ST7: variants seen among roughly 807,000 people sequenced by gnomAD.
ST7 encodes the protein suppression of tumorigenicity 7.
A neutral mutation model predicts 78.7 loss-of-function variants in ST7; 28 were observed. The ratio of observed to expected loss-of-function variants is 0.36; its 90% CI spans 0.26 to 0.49. The LOEUF (loss-of-function observed/expected upper bound fraction) is 0.49, where lower values mean the gene tolerates loss of function less well. Among genes scored for constraint, ST7 ranks in the 20% least tolerant of loss-of-function variants. The pLI, the probability that ST7 is intolerant of heterozygous loss-of-function variation, is 0.99. For missense variants in ST7, 418 were observed against 696.0 expected (o/e 0.60, Z 4.49); for synonymous variants, 247 against 249.6 (o/e 0.99, Z 0.10).
intron 1 of ST7, among the ~76,000 whole-genome samples, chr7:117,045,735 T>C (rs1425940406): frequency 6.6e-6 from 1 of 152,222 alleles, no homozygotes; most frequent in Non-Finnish European, 1.5e-5. Flanking sequence ...ATGCCTGGCA[T>C]TAGGTCAAGA....
At chr7:117,141,372 G>T (rs1805283461) in intron 9 of ST7, among the ~76,000 whole-genome samples, 1 of 152,098 alleles carries the variant, frequency 6.6e-6, no homozygotes, top group Non-Finnish European at 1.5e-5. Context: ...AAATGAAAGG[G>T]AATTCTGGGA....
intron 12 of ST7, among the ~76,000 whole-genome samples, chr7:117,200,239 C>A (rs934972421): frequency 1.1e-4 from 17 of 152,178 alleles, no homozygotes; most frequent in African/African-American, 4.1e-4. Context: ...CTGGTTGAAA[C>A]TGGAATGAGA....
chr7:117,159,725 A>G lies in ST7; in HGVS notation c.964-11137A>G, dbSNP rs370374624. On this transcript the variant is annotated intron_variant, in intron 9 of 15. Transcript: ENST00000323984. ...TGTTCTATTGTGCAACTAAAAAATGAAAACTATTCACATATAGCATAGCCA... is the reference window on the plus strand; with the variant it reads ...TGTTCTATTGTGCAACTAAAAAATGGAAACTATTCACATATAGCATAGCCA... Among the ~76,000 whole-genome samples the G allele has an allele frequency of 1.2e-4, 19 of 152,270 alleles. No homozygotes were observed. In the East Asian group the frequency reaches 2.5e-3, roughly 20 times the overall value.
intron 1 of ST7, among the ~76,000 whole-genome samples, chr7:117,017,378 TA>T (rs1382361474): frequency 6.6e-6 from 1 of 152,224 alleles, no homozygotes; most frequent in East Asian, 1.9e-4. Context: ...GGCTTTCCTT[TA>T]AAAGTGACTG....
chr7:117,219,506 G>A lies in ST7; in HGVS notation c.1498+330G>A, dbSNP rs967441663. Among the ~76,000 whole-genome samples, 1 of 152,204 alleles carries A rather than the reference G, an allele frequency of 6.6e-6. No homozygotes were observed. The highest frequency in any genetic ancestry group is 2.4e-5 in the African/African-American group (1 of 41,458). ...GGTCCATTGTGAGGGTTCTGCCTGGGCTCTTCAGCTGGACAGATGTGGTCT... is the reference window on the plus strand; with the variant it reads ...GGTCCATTGTGAGGGTTCTGCCTGGACTCTTCAGCTGGACAGATGTGGTCT... On this transcript the variant is annotated intron_variant, in intron 14 of 15. Transcript: ENST00000323984. The surrounding 1 kb of genome is among the most constrained non-coding windows in gnomAD (Gnocchi z 5.1).
intron 1 of ST7, among the ~76,000 whole-genome samples, chr7:117,098,213 A>G (rs1424718401): frequency 6.6e-6 from 1 of 151,672 alleles, no homozygotes; most frequent in East Asian, 1.9e-4. Context: ...GTACCCTTCA[A>G]CATCCATGTC....
At chr7:117,100,534 A>T (rs1801493320) in intron 2 of ST7, among the ~76,000 whole-genome samples, 1 of 152,180 alleles carries the variant, frequency 6.6e-6, no homozygotes, top group Non-Finnish European at 1.5e-5. Flanking sequence ...GATCAATAGA[A>T]ATATAGCTTA....
intron 10 of ST7, among the ~76,000 whole-genome samples, chr7:117,185,944 TAATA>T (rs1279692555): frequency 4.6e-5 from 7 of 151,948 alleles, no homozygotes; most frequent in East Asian, 3.9e-4. Flanking sequence ...AAAATAAAAA[TAATA>T]AATAAATAAA....
intron 1 of ST7, among the ~76,000 whole-genome samples, chr7:117,091,543 G>A (rs1014796699): frequency 1.3e-5 from 2 of 152,180 alleles, no homozygotes; most frequent in Non-Finnish European, 2.9e-5. Context: ...AGCATGTCAT[G>A]GTAGCAGAGG....
chr7:117,048,462 T>C (rs1035179427), intron 1 of ST7, among the ~76,000 whole-genome samples: 3 of 152,230 alleles, frequency 2.0e-5, no homozygotes, highest in Non-Finnish European at 4.4e-5. Context: ...GGCATTTTTA[T>C]GTCTTCTTCA....
intron 1 of ST7, among the ~76,000 whole-genome samples, chr7:117,032,604 CT>C (rs1366966385): frequency 2.0e-5 from 3 of 152,046 alleles, no homozygotes; most frequent in Non-Finnish European, 4.4e-5. Context: ...TTTTTAAGAA[CT>C]TTTTCTAATT....
intron 1 of ST7, chr7:116,965,774 GACAA>G (rs1336425773): frequency 3.8e-5 from 6 of 156,800 alleles, no homozygotes; most frequent in African/African-American, 1.4e-4. Context: ...AAAAAGATAA[GACAA>G]ACAACACGTT....
intron 15 of ST7, among the ~76,000 whole-genome samples, chr7:117,225,192 G>A (rs1348750165): frequency 3.3e-5 from 5 of 152,112 alleles, no homozygotes; most frequent in Non-Finnish European, 5.9e-5. Flanking sequence ...TATCGGAGAG[G>A]GGTGTTCATT....
chr7:117,018,715 G>C (rs1485930510), intron 1 of ST7, among the ~76,000 whole-genome samples: 1 of 152,098 alleles, frequency 6.6e-6, no homozygotes, highest in Non-Finnish European at 1.5e-5. Context: ...GGATAAAAGT[G>C]GTATATACCT....
At chr7:117,171,797 A>T (rs1211081617) in intron 10 of ST7, among the ~76,000 whole-genome samples, 2 of 152,156 alleles carry the variant, frequency 1.3e-5, no homozygotes, top group East Asian at 3.9e-4. Context: ...TTCCTTGTAA[A>T]ATGGATGTAG....
chr7:117,110,367 A>G (rs1171095172), intron 2 of ST7, among the ~76,000 whole-genome samples: 1 of 152,162 alleles, frequency 6.6e-6, no homozygotes, highest in East Asian at 1.9e-4. Flanking sequence ...ACTGTTACCT[A>G]CTTAGATGAT....
intron 9 of ST7, among the ~76,000 whole-genome samples, chr7:117,167,200 A>T (rs1165326096): frequency 2.7e-5 from 4 of 148,942 alleles, no homozygotes; most frequent in Non-Finnish European, 6.0e-5. Context: ...TAGGTATATC[A>T]CCCTCTGCTA....
At chr7:116,961,977 T>G (rs1256630813) in intron 1 of ST7, among the ~76,000 whole-genome samples, 1 of 150,160 alleles carries the variant, frequency 6.7e-6, no homozygotes, top group East Asian at 2.0e-4. Flanking sequence ...GGTGTTCCTC[T>G]CCCTGTGTCC....
At chr7:117,105,236 C>T (rs1474769014) in intron 2 of ST7, among the ~76,000 whole-genome samples, 2 of 152,158 alleles carry the variant, frequency 1.3e-5, no homozygotes, top group Non-Finnish European at 2.9e-5. Flanking sequence ...ACATATATTG[C>T]ATATTCTCAC....
Sources: gnomAD v4.1 joint callset for allele counts (sites outside exome capture counted in the v4.1 genomes callset) on GRCh38, gnomAD v4.1.1 for gene constraint, Gnocchi (gnomAD v3.1) non-coding constraint, MANE v1.5 for transcripts, NCBI Gene and HGNC (gene_info 2026-07-23, HGNC 2026-07-21) for gene names.